The following CCDC102B variants were observed in gnomAD, a reference collection of about 807,000 sequenced individuals.
The protein encoded by CCDC102B is coiled-coil domain containing 102B.
A neutral mutation model predicts 57.4 loss-of-function variants in CCDC102B; 75 were observed. The observed-to-expected ratio is 1.31, with a 90% CI of 1.08 to 1.58. The LOEUF is 1.58. Among genes scored for constraint, CCDC102B ranks in the 40% most tolerant of loss-of-function variants. The pLI is 0.00. For synonymous variants in CCDC102B, 206 were observed against 201.9 expected (o/e 1.02, Z -0.17); for missense variants, 636 against 582.6 (o/e 1.09, Z -0.94).
chr18:68,791,305 A>G (rs1382271163), intron 2 of CCDC102B, among the ~76,000 whole-genome samples: 1 of 152,202 alleles, frequency 6.6e-6, no homozygotes, highest in Non-Finnish European at 1.5e-5. Context: ...GTTGAATTGC[A>G]ATTTAATATA....
chr18:69,045,862 G>T (rs542981691), intron 7 of CCDC102B, among the ~76,000 whole-genome samples: 3 of 152,104 alleles, frequency 2.0e-5, no homozygotes, highest in Admixed American at 6.5e-5. Context: ...GTGGTATTTG[G>T]TTTTCTGTTT....
At chr18:68,731,960 G>A (rs1008662943) in intron 2 of CCDC102B, among the ~76,000 whole-genome samples, 1 of 23,512 alleles carries the variant, frequency 4.3e-5, no homozygotes, top group Non-Finnish European at 5.0e-4. Context: ...ATGGCTTACA[G>A]TTATTGAGAT....
intron 2 of CCDC102B, among the ~76,000 whole-genome samples, chr18:68,732,760 T>C (rs2032940385): frequency 1.3e-5 from 2 of 152,176 alleles, no homozygotes; most frequent in Admixed American, 1.3e-4. Flanking sequence ...CAGTTTTCTC[T>C]TAAAATTTTT....
At chr18:68,998,357 A>ATATACATCTACATATG (rs539179121) in intron 6 of CCDC102B, among the ~76,000 whole-genome samples, 1,552 of 148,864 alleles carry the variant, frequency 0.01, 21 homozygotes, top group Middle Eastern at 0.028. Flanking sequence ...ACACATGTAT[A>ATATACATCTACATATG]TATACATCTA....
rs575017010 is a variant in CCDC102B at position 68,727,048 on chromosome 18, G to C, written c.-67+10454G>C. Among the ~76,000 whole-genome samples the C allele has an allele frequency of 3.0e-4, 45 of 152,170 alleles. 1 individual carries two copies. In the South Asian group the frequency reaches 9.1e-3, roughly 31 times the overall value. Reference sequence around the variant, plus strand: ...GACCTATTTGGGTTTTGGAAAAATCGTTATCATCTACTTTGGGATACAATT... The same window carrying C: ...GACCTATTTGGGTTTTGGAAAAATCCTTATCATCTACTTTGGGATACAATT... On this transcript the variant is annotated intron_variant, in intron 2 of 3. Transcript: ENST00000578970.
intron 4 of CCDC102B, among the ~76,000 whole-genome samples, chr18:68,854,956 T>C (rs1042340003): frequency 2.6e-5 from 4 of 152,188 alleles, no homozygotes; most frequent in Admixed American, 2.6e-4. Context: ...AAAAGGAAAG[T>C]GAAATTTTGT....
chr18:69,055,712 T>G (rs942084578), downstream of CCDC102B, among the ~76,000 whole-genome samples: 2 of 152,040 alleles, frequency 1.3e-5, no homozygotes, highest in Admixed American at 6.6e-5. Flanking sequence ...CTCAAGATCC[T>G]AAACGCAAGT....
chr18:68,929,717 G>T (rs1346838477), intron 6 of CCDC102B, among the ~76,000 whole-genome samples: 1 of 151,780 alleles, frequency 6.6e-6, no homozygotes, highest in Non-Finnish European at 1.5e-5. Context: ...TGGTAATTTG[G>T]TAACATTTTC....
At chr18:68,874,418 C>T (rs766501556) in intron 4 of CCDC102B, among the ~76,000 whole-genome samples, 2 of 151,544 alleles carry the variant, frequency 1.3e-5, no homozygotes, top group Admixed American at 6.6e-5. Flanking sequence ...CTGAGTTATG[C>T]CTATTTTTCA....
At chr18:68,828,627 G>A (rs2037011636) in intron 1 of CCDC102B, among the ~76,000 whole-genome samples, 1 of 151,564 alleles carries the variant, frequency 6.6e-6, no homozygotes, top group South Asian at 2.1e-4. Flanking sequence ...TACATTAGAA[G>A]TAAGGTAATC....
At chr18:68,942,310 G>A (rs569809180) in intron 6 of CCDC102B, among the ~76,000 whole-genome samples, 7 of 152,114 alleles carry the variant, frequency 4.6e-5, no homozygotes, top group East Asian at 1.9e-4. Flanking sequence ...GGCGTTTCTC[G>A]TCAGGTGGAA....
intron 2 of CCDC102B, among the ~76,000 whole-genome samples, chr18:68,776,039 C>T (rs188225896): frequency 2.2e-3 from 336 of 152,246 alleles, no homozygotes; most frequent in African/African-American, 7.8e-3. Context: ...TCTCTCTGTT[C>T]TCTGTGTCCA....
intron 2 of CCDC102B, among the ~76,000 whole-genome samples, chr18:68,726,455 T>C (rs1291957878): frequency 6.6e-6 from 1 of 152,232 alleles, no homozygotes; most frequent in Non-Finnish European, 1.5e-5. Context: ...GAGAGGCTGA[T>C]GGACGATGGA....
chr18:68,831,586 G>A (rs1468144274), intron 1 of CCDC102B, among the ~76,000 whole-genome samples: 1 of 152,070 alleles, frequency 6.6e-6, no homozygotes, highest in Non-Finnish European at 1.5e-5. Context: ...TAAGTTGCCT[G>A]CTTTGGCGAA....
intron 1 of CCDC102B, among the ~76,000 whole-genome samples, chr18:68,807,457 C>T (rs2036075079): frequency 1.3e-5 from 2 of 152,040 alleles, no homozygotes; most frequent in Admixed American, 6.5e-5. Context: ...TAAGATATGA[C>T]GTTACAGGAA....
chr18:68,860,478 A>AACCAAAAC (rs1555715303), intron 4 of CCDC102B, among the ~76,000 whole-genome samples: 3 of 97,826 alleles, frequency 3.1e-5, no homozygotes, highest in Non-Finnish European at 6.5e-5. Flanking sequence ...ACAAAAACAA[A>AACCAAAAC]AAAAAAAAAA....
chr18:69,006,072 A>G (rs1599836582), intron 6 of CCDC102B, among the ~76,000 whole-genome samples: 2 of 152,260 alleles, frequency 1.3e-5, no homozygotes, highest in East Asian at 3.9e-4. Flanking sequence ...TATTAGAATA[A>G]GCTTGCTCTG....
intron 1 of CCDC102B, among the ~76,000 whole-genome samples, chr18:68,817,537 G>T (rs1489882222): frequency 2.0e-5 from 3 of 152,170 alleles, no homozygotes; most frequent in African/African-American, 7.2e-5. Flanking sequence ...TGAAGGAAGT[G>T]GTTAGGCTTT....
chr18:68,892,327 C>G (rs923365238), intron 5 of CCDC102B, among the ~76,000 whole-genome samples: 1 of 152,124 alleles, frequency 6.6e-6, no homozygotes, highest in African/African-American at 2.4e-5. Flanking sequence ...CTCTCCAGGT[C>G]TGAGATCTGT....
Sources: gnomAD v4.1 joint callset for allele counts (sites outside exome capture counted in the v4.1 genomes callset) on GRCh38, gnomAD v4.1.1 for gene constraint, MANE v1.5 for transcripts, NCBI Gene and HGNC (gene_info 2026-07-23, HGNC 2026-07-21) for gene names.